MTUS1: variants seen among roughly 807,000 people sequenced by gnomAD.
MTUS1 encodes microtubule-associated tumor suppressor 1.
Under a neutral mutation model 120.8 loss-of-function variants are expected in MTUS1, and 109 were observed. That is an observed-to-expected ratio of 0.90 (90% CI 0.77 to 1.06). The LOEUF (loss-of-function observed/expected upper bound fraction) is 1.06. Ranked by LOEUF, MTUS1 falls within the 50% of genes least tolerant of loss-of-function variation. The probability of loss-of-function intolerance (pLI) is 0.00; values close to 1 mark genes in which losing one functional copy is unlikely to be tolerated. For missense variants in MTUS1, 2,210 were observed against 1,486.3 expected, an observed-to-expected ratio of 1.49 and a Z score of -8.01; for synonymous variants, 737 against 550.5, an observed-to-expected ratio of 1.34 and a Z score of -4.74.
At chr8:17,700,562 G>T (rs1303608118) in intron 6 of MTUS1, among the ~76,000 whole-genome samples, 2 of 151,286 alleles carry the variant, frequency 1.3e-5, no homozygotes, top group Non-Finnish European at 2.9e-5. Context: ...TGCAATGTAG[G>T]ATCTCAACAT....
Position 17,715,816 on chromosome 8 carries a change from C to G in MTUS1, c.2535G>C (p.Lys845Asn). The change falls in exon 5 of 15, where the codon AAG (lysine) becomes AAC (asparagine). Residue 845 changes from lysine (K) to asparagine (N), a missense_variant. Physicochemically the swap from Lys to Asn is moderately conservative, Grantham distance 94. Coordinates refer to ENST00000693296, the MANE Select transcript of MTUS1 (RefSeq NM_001363059.2). ...GAACATGAGCCCTGGATACCAAAGGCTTCAAATAAAAGGATCCTGAGGAAC... is the reference window on the plus strand; with the variant it reads ...GAACATGAGCCCTGGATACCAAAGGGTTCAAATAAAAGGATCCTGAGGAAC... ...QNGSSGSFYL[K>N]PLVSRAHVHL... 1 of 1,614,040 alleles carries G rather than the reference C, an allele frequency of 6.2e-7. No individual in the cohort carries two copies. The highest frequency in any genetic ancestry group is 8.5e-7 in the Non-Finnish European group (1 of 1,179,992).
intron 3 of MTUS1, among the ~76,000 whole-genome samples, chr8:17,739,439 G>A (rs947817436): frequency 8.0e-6 from 1 of 124,976 alleles, no homozygotes; most frequent in African/African-American, 2.7e-5. Context: ...GTTGTGGTGA[G>A]CCACGATTGC....
At chr8:17,727,091 C>G (rs180837351) in intron 3 of MTUS1, among the ~76,000 whole-genome samples, 1 of 152,152 alleles carries the variant, frequency 6.6e-6, no homozygotes, top group Admixed American at 6.5e-5. Context: ...CATTGTCACC[C>G]CCATCCAGGC....
At chr8:17,797,483 T>C (rs2052339481) in intron 1 of MTUS1, among the ~76,000 whole-genome samples, 2 of 152,192 alleles carry the variant, frequency 1.3e-5, no homozygotes, top group African/African-American at 4.8e-5. Flanking sequence ...CTCCTGGTTA[T>C]ACTGGACCAT....
chr8:17,767,527 T>G lies in MTUS1; in HGVS notation c.-154-11566A>C, dbSNP rs1241879244. 6.5e-5 allele frequency among the ~76,000 whole-genome samples: 8 copies of G among 123,642 alleles called. No homozygotes were observed. The East Asian group carries it at 1.7e-3, about 26-fold the overall frequency. The allele number at this position is 123,642 out of a possible 152,430, so 81.1% of individuals were successfully genotyped here. On this transcript the variant is annotated intron_variant, in intron 1 of 14. Transcript: ENST00000693296. ...GCCTGGGCAACACAGCAAAACCCCA[T>G]CTCTTTAAAAAAAAAAAAAAATCAA... is the stretch of plus-strand genomic sequence containing the variant.
At chr8:17,724,104 A>G (rs964331935) in intron 3 of MTUS1, 2 of 546,532 alleles carry the variant, frequency 3.7e-6, no homozygotes, top group Non-Finnish European at 6.8e-6. Context: ...TAACTCACAC[A>G]TGTTCTCTGA....
intron 6 of MTUS1, among the ~76,000 whole-genome samples, chr8:17,690,500 G>T (rs1044663810): frequency 6.6e-6 from 1 of 152,108 alleles, no homozygotes; most frequent in African/African-American, 2.4e-5. Flanking sequence ...ACTAAAAATA[G>T]AACTACCATT....
chr8:17,720,269 C>A (rs1292390724), intron 4 of MTUS1, among the ~76,000 whole-genome samples: 3 of 151,252 alleles, frequency 2.0e-5, no homozygotes, highest in South Asian at 4.2e-4. Flanking sequence ...TGCTTGAACC[C>A]GGGAGGCAGA....
chr8:17,766,969 T>C (rs961235178), intron 1 of MTUS1, among the ~76,000 whole-genome samples: 47 of 152,134 alleles, frequency 3.1e-4, no homozygotes, highest in African/African-American at 1.1e-3. Flanking sequence ...TTGACAATCA[T>C]ATGATCAGTA....
At chr8:17,739,975 G>A (rs1309053361) in intron 3 of MTUS1, among the ~76,000 whole-genome samples, 5 of 152,260 alleles carry the variant, frequency 3.3e-5, no homozygotes, top group South Asian at 4.1e-4. Context: ...GGAGGCCAAG[G>A]TGGGTGGATC....
At position 17,743,888 on chromosome 8, in the gene MTUS1, A is replaced by G. The variant is rs960032144; in HGVS notation, c.2092-89T>C. 4.4e-6 allele frequency: 5 copies of G among 1,132,262 alleles called. No individual in the cohort carries two copies. In the South Asian group the frequency reaches 6.3e-5, roughly 14 times the overall value. The allele number at this position is 1,132,262 out of a possible 1,614,324, so 70.1% of individuals were successfully genotyped here. A position where few individuals can be genotyped will look rare whatever the true frequency, so the allele number is the denominator to read the frequency against. On this transcript the variant is annotated intron_variant, in intron 2 of 14. Transcript: ENST00000693296. Reference sequence around the variant, plus strand: ...ATGGGCCCCTCCTCTAGGCCAAGGCAATTCCAAAGAAACCTAAAAAACAAG... The same window carrying G: ...ATGGGCCCCTCCTCTAGGCCAAGGCGATTCCAAAGAAACCTAAAAAACAAG...
intron 1 of MTUS1, among the ~76,000 whole-genome samples, chr8:17,756,745 C>G (rs7387994): frequency 0.79 from 117,664 of 148,460 alleles, 46,905 homozygotes; most frequent in South Asian, 0.87. Flanking sequence ...CAGTCATAAG[C>G]GTGGAGTGCT....
chr8:17,743,694 C>G lies in MTUS1; in HGVS notation c.2197G>C (p.Val733Leu), dbSNP rs1165178564. The G allele has an allele frequency of 6.2e-7, 1 of 1,614,126 alleles. No individual in the cohort carries two copies. The highest frequency in any genetic ancestry group is 1.3e-5 in the African/African-American group (1 of 75,020). The change falls in exon 3 of 15, where the codon GTT becomes CTT. Residue 733 changes from valine to leucine, a missense_variant. Val to Leu is a conservative substitution (Grantham distance 32, BLOSUM62 1). Transcript: ENST00000693296. Reference sequence around the variant, plus strand: ...TCACTGTTCCGCCTCAAACAGGAAACAGGGGGCCCCACTTTGGCTTTTGGA... The same window carrying G: ...TCACTGTTCCGCCTCAAACAGGAAAGAGGGGGCCCCACTTTGGCTTTTGGA... The part of the protein sequence containing the change: ...AAPKAKVGPP[V>L]SCLRRNSDNR...
intron 6 of MTUS1, chr8:17,693,383 A>T (rs989498792): frequency 1.3e-5 from 2 of 152,184 alleles, no homozygotes; most frequent in African/African-American, 4.8e-5. Context: ...GAGGAAAGAT[A>T]ACCTCGATCC....
chr8:17,679,132 C>A (rs1039074745), intron 7 of MTUS1, among the ~76,000 whole-genome samples: 1 of 98,080 alleles, frequency 1.0e-5, no homozygotes, highest in Non-Finnish European at 2.6e-5. Context: ...TTCTCTTAAC[C>A]ATTTTCACCC....
chr8:17,705,174 G>C (rs1819906142), intron 6 of MTUS1, among the ~76,000 whole-genome samples: 1 of 152,086 alleles, frequency 6.6e-6, no homozygotes, highest in Middle Eastern at 3.4e-3. Context: ...GGTAGAGATG[G>C]GGTCTCAGTA....
chr8:17,669,537 T>C (rs1375450787), intron 8 of MTUS1, among the ~76,000 whole-genome samples: 4 of 152,100 alleles, frequency 2.6e-5, no homozygotes, highest in Admixed American at 2.6e-4. Context: ...ATAGAGTCTT[T>C]TGTGTTTGTT....
At chr8:17,683,387 A>C (rs916405671) in intron 7 of MTUS1, among the ~76,000 whole-genome samples, 2 of 152,214 alleles carry the variant, frequency 1.3e-5, no homozygotes, top group African/African-American at 2.4e-5. Flanking sequence ...GCCATATTAC[A>C]GGGGCCTCTG....
At chr8:17,670,107 G>GTT (rs1811712447) in intron 8 of MTUS1, among the ~76,000 whole-genome samples, 1 of 152,222 alleles carries the variant, frequency 6.6e-6, no homozygotes. Flanking sequence ...TATGATTTCA[G>GTT]TTGTTAGCTT....
Sources: gnomAD v4.1 joint callset for allele counts (sites outside exome capture counted in the v4.1 genomes callset) on GRCh38, gnomAD v4.1.1 for gene constraint, MANE v1.5 for transcripts, NCBI Gene and HGNC (gene_info 2026-07-23, HGNC 2026-07-21) for gene names.